GRIA1: variants seen among roughly 807,000 people sequenced by gnomAD.
The protein encoded by GRIA1 is glutamate ionotropic receptor AMPA type subunit 1.
Under a neutral mutation model 99.2 loss-of-function variants are expected in GRIA1, and 31 were observed. The ratio of observed to expected loss-of-function variants is 0.31; its 90% confidence interval spans 0.23 to 0.42. The LOEUF is 0.42. Among genes scored for constraint, GRIA1 ranks in the 10% least tolerant of loss-of-function variants. The pLI, the probability that GRIA1 is intolerant of heterozygous loss-of-function variation, is 1.00. For synonymous variants in GRIA1, 438 were observed against 432.4 expected (o/e 1.01, Z -0.16); for missense variants, 782 against 1,157.5 (o/e 0.68, Z 4.71).
chr5:153,764,528 G>A lies in GRIA1; in HGVS notation c.1918G>A (p.Val640Met), dbSNP rs1354408893. ...YTANLAAFLT[V>M]ERMVSPIESA... ...AGCCAATCTGGCCGCCTTCCTGACC[G>A]TGGAGAGGATGGTGTCTCCCATTGA... Residue 640 changes from valine (V) to methionine (M), a missense_variant, in exon 12 of 16, where the codon GTG becomes ATG. By Grantham distance (21) the Val-to-Met change is conservative. Coordinates refer to ENST00000285900, the MANE Select transcript of GRIA1 (RefSeq NM_000827.4). The A allele has an allele frequency of 1.1e-5, 17 of 1,613,404 alleles. No homozygotes were observed. The highest frequency in any genetic ancestry group is 3.3e-5 in the South Asian group (3 of 91,074).
intron 2 of GRIA1, among the ~76,000 whole-genome samples, chr5:153,516,571 G>A (rs1379592111): frequency 6.6e-6 from 1 of 152,162 alleles, no homozygotes; most frequent in African/African-American, 2.4e-5. Context: ...GCCTTGTGGT[G>A]TGGCATTGGC....
chr5:153,812,465 T>G lies in GRIA1; in HGVS notation c.*1240T>G, dbSNP rs964085965. ...GTTAATATAAAGTGTTGTTTTAGCA[T>G]GTGGCCAGATGATGCTCTGTCATCT... is the stretch of plus-strand genomic sequence containing the variant. On this transcript the variant is annotated 3_prime_UTR_variant, in exon 16 of 16. Coordinates refer to ENST00000285900, the MANE Select transcript of GRIA1 (RefSeq NM_000827.4). 2 of 152,226 alleles carry G rather than the reference T, an allele frequency of 1.3e-5. No individual in the cohort carries two copies. Among genetic ancestry groups the G allele is most frequent in the Non-Finnish European group, 2.9e-5 (2 of 68,050 alleles). 9.4% of individuals were successfully genotyped at this position (152,226 alleles called of 1,614,324 possible).
At chr5:153,750,481 AAAG>A (rs1051902392) in intron 11 of GRIA1, among the ~76,000 whole-genome samples, 27 of 152,278 alleles carry the variant, frequency 1.8e-4, no homozygotes, top group African/African-American at 6.5e-4. Context: ...TTTTTGAAAT[AAAG>A]AAGAATGTCC....
intron 2 of GRIA1, among the ~76,000 whole-genome samples, chr5:153,591,859 A>G (rs549351076): frequency 3.9e-5 from 6 of 152,368 alleles, no homozygotes; most frequent in East Asian, 3.9e-4. Flanking sequence ...TGATTGCAAC[A>G]TGAAAGCAAA....
At chr5:153,743,024 G>GTAAC (rs1482912609) in intron 11 of GRIA1, among the ~76,000 whole-genome samples, 1 of 152,182 alleles carries the variant, frequency 6.6e-6, no homozygotes, top group Admixed American at 6.5e-5. Flanking sequence ...GTGTGCTTAG[G>GTAAC]TAACTTGTCC....
At chr5:153,737,859 T>C (rs1234662237) in intron 11 of GRIA1, among the ~76,000 whole-genome samples, 1 of 152,210 alleles carries the variant, frequency 6.6e-6, no homozygotes, top group African/African-American at 2.4e-5. Flanking sequence ...ACTGCTCTAA[T>C]ATACCAGGTA....
chr5:153,674,295 A>AT (rs1404441150), intron 5 of GRIA1, among the ~76,000 whole-genome samples: 1 of 152,218 alleles, frequency 6.6e-6, no homozygotes, highest in Admixed American at 6.5e-5. Flanking sequence ...AGCACTCCAA[A>AT]CTAGGCATAC....
chr5:153,806,367 G>T (rs1445486402), intron 15 of GRIA1, among the ~76,000 whole-genome samples: 1 of 152,172 alleles, frequency 6.6e-6, no homozygotes, highest in Non-Finnish European at 1.5e-5. Context: ...CCAGGTTCAA[G>T]TGATTCTCCT....
intron 11 of GRIA1, among the ~76,000 whole-genome samples, chr5:153,744,666 T>G (rs574433629): frequency 6.6e-6 from 1 of 152,354 alleles, no homozygotes; most frequent in South Asian, 2.1e-4. Flanking sequence ...TTTAATAATT[T>G]AGTGCAGTGC....
At chr5:153,513,266 A>C (rs1756280867) in intron 2 of GRIA1, among the ~76,000 whole-genome samples, 1 of 152,182 alleles carries the variant, frequency 6.6e-6, no homozygotes, top group Admixed American at 6.5e-5. Flanking sequence ...GGAGTCCTAT[A>C]GAGACTAGAC....
intron 11 of GRIA1, among the ~76,000 whole-genome samples, chr5:153,729,586 G>C (rs1760860578): frequency 6.6e-6 from 1 of 151,818 alleles, no homozygotes; most frequent in Non-Finnish European, 1.5e-5. Context: ...CTCATCCATA[G>C]CCTTGAACCA....
chr5:153,739,199 G>GCCATTGTAT (rs1294447591), intron 11 of GRIA1, among the ~76,000 whole-genome samples: 9 of 151,996 alleles, frequency 5.9e-5, no homozygotes, highest in African/African-American at 1.9e-4. Context: ...TCACTGCCCT[G>GCCATTGTAT]CACCTTTCCA....
intron 14 of GRIA1, among the ~76,000 whole-genome samples, chr5:153,801,313 C>T (rs34025038): frequency 0.086 from 12,001 of 139,512 alleles, 863 homozygotes; most frequent in Non-Finnish European, 0.12. Flanking sequence ...CAGGGTGAGC[C>T]CTGGCCACCT....
At chr5:153,586,046 T>G (rs1220671458) in intron 2 of GRIA1, among the ~76,000 whole-genome samples, 12 of 152,084 alleles carry the variant, frequency 7.9e-5, no homozygotes, top group Admixed American at 7.9e-4. Flanking sequence ...ATTCAATAGT[T>G]CAAGCTATCA....
At chr5:153,688,598 GA>G (rs1757508776) in intron 8 of GRIA1, among the ~76,000 whole-genome samples, 1 of 152,190 alleles carries the variant, frequency 6.6e-6, no homozygotes, top group South Asian at 2.1e-4. Flanking sequence ...CTGAAATCTG[GA>G]AAACACTGAG....
chr5:153,747,112 C>G lies in GRIA1; in HGVS notation c.1824-17322C>G, dbSNP rs898241802. Among the ~76,000 whole-genome samples the G allele has an allele frequency of 3.3e-5, 5 of 152,112 alleles. No homozygotes were observed. The South Asian group carries it at 1.0e-3, about 32-fold the overall frequency. Reference sequence around the variant, plus strand: ...AAGGAACAACTGAGGCTAGGTAATTCCTAAAGAAAAGAGGTTTATTTGGCT... The same window carrying G: ...AAGGAACAACTGAGGCTAGGTAATTGCTAAAGAAAAGAGGTTTATTTGGCT... On this transcript the variant is annotated intron_variant, in intron 11 of 15. Coordinates refer to ENST00000285900, the MANE Select transcript of GRIA1 (RefSeq NM_000827.4).
At chr5:153,528,767 A>G (rs1429402578) in intron 2 of GRIA1, among the ~76,000 whole-genome samples, 1 of 152,200 alleles carries the variant, frequency 6.6e-6, no homozygotes, top group Non-Finnish European at 1.5e-5. Context: ...TCCAGAAAAT[A>G]AGGCATTCTC....
At chr5:153,515,836 G>C (rs929546526) in intron 2 of GRIA1, among the ~76,000 whole-genome samples, 1 of 152,166 alleles carries the variant, frequency 6.6e-6, no homozygotes, top group Admixed American at 6.5e-5. Context: ...ACCAGATTGT[G>C]TCCAGCTTAG....
intron 2 of GRIA1, among the ~76,000 whole-genome samples, chr5:153,644,914 C>T (rs143873337): frequency 2.0e-5 from 3 of 151,762 alleles, no homozygotes; most frequent in East Asian, 2.0e-4. Flanking sequence ...AAGGAGAAGA[C>T]GGTTGTAAGT....
Sources: allele counts gnomAD v4.1 joint callset (sites outside exome capture counted in the v4.1 genomes callset), GRCh38; gene constraint gnomAD v4.1.1; transcripts MANE v1.5; gene names NCBI Gene and HGNC (gene_info 2026-07-23, HGNC 2026-07-21).